Variants in GRM7 observed in about 807,000 individuals in gnomAD.
GRM7 encodes glutamate metabotropic receptor 7.
In GRM7, 35 loss-of-function variants were observed where a neutral mutation model predicts 84.5. The ratio of observed to expected loss-of-function variants is 0.41; its 90% CI spans 0.32 to 0.55. The LOEUF (loss-of-function observed/expected upper bound fraction) is 0.55, where lower values mean the gene tolerates loss of function less well. GRM7 is among the 20% of genes least tolerant of loss of function. GRM7 has a pLI of 0.19. For synonymous variants in GRM7, 487 were observed against 455.1 expected (o/e 1.07, Z -0.89); for missense variants, 1,003 against 1,194.6 (o/e 0.84, Z 2.36).
chr3:6,970,664 A>G (rs1693714635), intron 1 of GRM7, among the ~76,000 whole-genome samples: 1 of 152,124 alleles, frequency 6.6e-6, no homozygotes, highest in Non-Finnish European at 1.5e-5. Flanking sequence ...CAGAGAGACC[A>G]GTTAGGCAGT....
intron 4 of GRM7, among the ~76,000 whole-genome samples, chr3:7,358,872 C>T (rs187673356): frequency 2.9e-4 from 44 of 152,146 alleles, no homozygotes; most frequent in Middle Eastern, 6.8e-3. Flanking sequence ...AATCCCAGCA[C>T]TTTGGGAAGC....
intron 4 of GRM7, among the ~76,000 whole-genome samples, chr3:7,312,141 C>T (rs1426379185): frequency 6.6e-6 from 1 of 152,092 alleles, no homozygotes; most frequent in East Asian, 1.9e-4. Flanking sequence ...CCTTTGGTAG[C>T]ATTTAGGACA....
chr3:7,401,889 G>T (rs1480382257), intron 4 of GRM7, among the ~76,000 whole-genome samples: 3 of 152,174 alleles, frequency 2.0e-5, no homozygotes, highest in Admixed American at 2.0e-4. Context: ...GACAAACACT[G>T]GGATTTGCCT....
At chr3:7,211,428 G>A (rs1696423992) in intron 2 of GRM7, among the ~76,000 whole-genome samples, 4 of 152,158 alleles carry the variant, frequency 2.6e-5, no homozygotes, top group Non-Finnish European at 2.9e-5. Flanking sequence ...GATAAACATC[G>A]GATTTGTTGA....
intron 7 of GRM7, among the ~76,000 whole-genome samples, chr3:7,474,006 A>T (rs1233410280): frequency 6.6e-6 from 1 of 152,198 alleles, no homozygotes; most frequent in Non-Finnish European, 1.5e-5. Context: ...CCAAGTTAGA[A>T]TCTTTTAATC....
chr3:7,707,710 C>A (rs2125163374), intron 9 of GRM7, among the ~76,000 whole-genome samples: 1 of 152,150 alleles, frequency 6.6e-6, no homozygotes, highest in East Asian at 1.9e-4. Context: ...TCCAAAACAG[C>A]CCCAGGAACT....
intron 8 of GRM7, among the ~76,000 whole-genome samples, chr3:7,631,633 T>C (rs1031683391): frequency 3.9e-5 from 6 of 152,266 alleles, no homozygotes; most frequent in Admixed American, 3.3e-4. Flanking sequence ...ATTGACATTT[T>C]GCTCCAGATA....
intron 1 of GRM7, among the ~76,000 whole-genome samples, chr3:7,114,865 T>C (rs977984726): frequency 5.3e-5 from 8 of 152,114 alleles, no homozygotes; most frequent in African/African-American, 1.9e-4. Flanking sequence ...TCAGGAACAA[T>C]TGGAGATCAT....
At chr3:6,967,678 G>A (rs546181806) in intron 1 of GRM7, among the ~76,000 whole-genome samples, 36 of 152,274 alleles carry the variant, frequency 2.4e-4, no homozygotes, top group African/African-American at 7.0e-4. Flanking sequence ...GATGAACAAC[G>A]TTATATATTG....
chr3:7,409,292 A>G (rs950723516), intron 4 of GRM7, among the ~76,000 whole-genome samples: 7 of 152,144 alleles, frequency 4.6e-5, no homozygotes, highest in Non-Finnish European at 5.9e-5. Context: ...AAAAGTTTGT[A>G]TTTTTATTGA....
At chr3:7,531,564 C>G (rs1701037292) in intron 7 of GRM7, among the ~76,000 whole-genome samples, 1 of 151,974 alleles carries the variant, frequency 6.6e-6, no homozygotes, top group Non-Finnish European at 1.5e-5. Context: ...ATTTAATTGT[C>G]TTGTAGCAAT....
intron 8 of GRM7, among the ~76,000 whole-genome samples, chr3:7,662,488 T>A (rs577070824): frequency 6.6e-6 from 1 of 152,290 alleles, no homozygotes; most frequent in South Asian, 2.1e-4. Context: ...CTTGATTGTA[T>A]TTTGGATTGA....
At chr3:7,084,088 G>C (rs982664078) in intron 1 of GRM7, among the ~76,000 whole-genome samples, 2 of 152,158 alleles carry the variant, frequency 1.3e-5, no homozygotes, top group Non-Finnish European at 2.9e-5. Context: ...AGGGGGCAGG[G>C]ATCTGAGCAG....
chr3:6,938,701 T>C (rs17046418), intron 1 of GRM7, among the ~76,000 whole-genome samples: 16,021 of 152,190 alleles, frequency 0.11, 885 homozygotes, highest in African/African-American at 0.14. Flanking sequence ...GAATTTTGCT[T>C]TTTAAAGGTG....
intron 2 of GRM7, among the ~76,000 whole-genome samples, chr3:7,208,467 G>A (rs191057097): frequency 5.3e-5 from 8 of 152,182 alleles, no homozygotes; most frequent in East Asian, 3.9e-4. Context: ...TCTCATCTGC[G>A]GGATACAGAT....
At chr3:7,559,921 T>C (rs566287036) in intron 7 of GRM7, among the ~76,000 whole-genome samples, 1 of 152,224 alleles carries the variant, frequency 6.6e-6, no homozygotes, top group Non-Finnish European at 1.5e-5. Context: ...TCCTATCTCC[T>C]CACCTTCTTT....
chr3:7,349,289 C>A (rs1435907741), intron 4 of GRM7, among the ~76,000 whole-genome samples: 1 of 152,120 alleles, frequency 6.6e-6, no homozygotes, highest in Non-Finnish European at 1.5e-5. Context: ...AAGAGACTGG[C>A]CACTGCAAAC....
At chr3:7,533,976 T>C (rs1248156378) in intron 7 of GRM7, among the ~76,000 whole-genome samples, 4 of 151,962 alleles carry the variant, frequency 2.6e-5, no homozygotes, top group African/African-American at 9.7e-5. Flanking sequence ...ATTTATCAGT[T>C]GAGTATTTAA....
chr3:7,552,909 A>G (rs989937969), intron 7 of GRM7, among the ~76,000 whole-genome samples: 3 of 152,250 alleles, frequency 2.0e-5, no homozygotes, highest in African/African-American at 7.2e-5. Context: ...AAATTTCTGC[A>G]GCTGCCTTGA....
Sources: gnomAD v4.1 joint callset for allele counts (sites outside exome capture counted in the v4.1 genomes callset) on GRCh38, gnomAD v4.1.1 for gene constraint, MANE v1.5 for transcripts, NCBI Gene and HGNC (gene_info 2026-07-23, HGNC 2026-07-21) for gene names.